SNX25: variants seen among roughly 807,000 people sequenced by gnomAD.
SNX25 encodes the protein sorting nexin-25.
SNX25 carries 62 observed loss-of-function variants against 113.7 expected under a neutral mutation model. That is an observed-to-expected ratio of 0.55 (90% CI 0.44 to 0.67). The LOEUF (loss-of-function observed/expected upper bound fraction) is 0.67. SNX25 is among the 30% of genes least tolerant of loss of function. The probability of loss-of-function intolerance (pLI) is 0.00; values close to 1 mark genes in which losing one functional copy is unlikely to be tolerated. For synonymous variants in SNX25, 421 were observed against 436.2 expected, an observed-to-expected ratio of 0.97 and a Z score of 0.43; for missense variants, 1,014 against 1,161.0, an observed-to-expected ratio of 0.87 and a Z score of 1.84.
At chr4:185,269,015 G>C (rs1351291530) in intron 5 of SNX25, among the ~76,000 whole-genome samples, 1 of 152,080 alleles carries the variant, frequency 6.6e-6, no homozygotes, top group Non-Finnish European at 1.5e-5. Flanking sequence ...TAGACTACAT[G>C]ATATTCTTTA....
In SNX25 at chr4:185,264,637, A is replaced by T. The variant is rs753371046; in HGVS notation, c.904+27A>T. Reference sequence around the variant, plus strand: ...TAGACTTATACAGTTGATTTCACTAATTCAATAAGTGTGCAAACTAATGTG... The same window carrying T: ...TAGACTTATACAGTTGATTTCACTATTTCAATAAGTGTGCAAACTAATGTG... On this transcript the variant is annotated intron_variant, in intron 4 of 18. Transcript: ENST00000652585. The T allele has an allele frequency of 9.9e-6, 16 of 1,608,858 alleles. No individual in the cohort carries two copies. In the South Asian group the frequency reaches 1.5e-4, roughly 15 times the overall value.
At chr4:185,290,103 G>A (rs1278790912) in intron 6 of SNX25, among the ~76,000 whole-genome samples, 1 of 152,096 alleles carries the variant, frequency 6.6e-6, no homozygotes, top group African/African-American at 2.4e-5. Context: ...TTACAAGGAT[G>A]CCAGTCATAC....
At chr4:185,270,641 A>G (rs1344879049) in intron 5 of SNX25, among the ~76,000 whole-genome samples, 3 of 152,098 alleles carry the variant, frequency 2.0e-5, no homozygotes, top group African/African-American at 7.2e-5. Flanking sequence ...TATTTTCATC[A>G]CCCCAAAAAG....
Position 185,245,199 on chromosome 4 carries a change from AC to A in SNX25, c.430-2091del, listed in dbSNP as rs1437515730. 2.6e-5 allele frequency among the ~76,000 whole-genome samples: 4 copies of A among 151,940 alleles called. No individual in the cohort carries two copies. The East Asian group carries it at 7.7e-4, about 29-fold the overall frequency. On this transcript the variant is annotated intron_variant, in intron 1 of 18. Coordinates refer to ENST00000652585, the MANE Select transcript of SNX25 (RefSeq NM_001378034.2). The stretch of plus-strand genomic sequence containing the variant: ...TTTTTCGTTCCAAACCAGTAAGTAG[AC>A]CCCAATTACATTGTATATGCTTTTG...
intron 6 of SNX25, among the ~76,000 whole-genome samples, chr4:185,292,432 CTT>C (rs1752309384): frequency 6.6e-6 from 1 of 152,120 alleles, no homozygotes; most frequent in Non-Finnish European, 1.5e-5. Context: ...GAGTTTCGCT[CTT>C]GTCACCCGGG....
the SNX25 span, chr4:185,376,828 A>G: frequency 2.1e-6 from 2 of 950,628 alleles, no homozygotes; most frequent in Middle Eastern, 2.9e-4. Context: ...TAACACAGTA[A>G]GAAACTCTAC....
intron 1 of SNX25, among the ~76,000 whole-genome samples, chr4:185,224,554 T>C: frequency 9.6e-6 from 1 of 104,106 alleles, no homozygotes; most frequent in East Asian, 3.5e-4. Context: ...TATACATATA[T>C]ATAAATATAT....
At chr4:185,374,480 CA>C, downstream of SNX25, 3 of 1,598,170 alleles carry the variant, frequency 1.9e-6, no homozygotes, top group Non-Finnish European at 1.7e-6. Flanking sequence ...AAAGAAAGAG[CA>C]AAAAAACCCT....
intron 15 of SNX25, among the ~76,000 whole-genome samples, chr4:185,356,504 G>A (rs574715997): frequency 1.3e-5 from 2 of 152,194 alleles, no homozygotes; most frequent in South Asian, 4.1e-4. Flanking sequence ...CCATCAAAAA[G>A]TTTAAGACAT....
At chr4:185,266,818 A>G (rs1748160430) in intron 4 of SNX25, 151 bp from the exon 5 acceptor site, 6 of 647,940 alleles carry the variant, frequency 9.3e-6, no homozygotes, top group Non-Finnish European at 1.5e-5. Context: ...ATGTGTGTAC[A>G]TTTTTGAATT....
rs1737474383 is a variant in SNX25, at chr4:185,209,963, C to T, written c.137C>T (p.Ala46Val). Residue 46 changes from alanine (A) to valine (V), a missense_variant, in exon 1 of 19, where the codon GCG becomes GTG. Coordinates refer to ENST00000652585, the MANE Select transcript of SNX25 (RefSeq NM_001378034.2). The surrounding 1 kb of genome is among the most constrained non-coding windows in gnomAD (Gnocchi z 5.2). ...ESPGDAEAAA[A>V]AAPGAPGGRS... ...CCGGGGGACGCGGAGGCAGCAGCAG[C>T]GGCGGCGCCGGGGGCCCCGGGCGGC... The T allele has an allele frequency of 2.0e-6, 2 of 983,524 alleles. No individual in the cohort carries two copies. The highest frequency in any genetic ancestry group is 1.2e-6 in the Non-Finnish European group (1 of 829,138). The allele number at this position is 983,524 out of a possible 1,614,324, so 60.9% of individuals were successfully genotyped here.
intron 1 of SNX25, among the ~76,000 whole-genome samples, chr4:185,213,266 T>C (rs546733155): frequency 1.3e-4 from 14 of 107,024 alleles, no homozygotes; most frequent in African/African-American, 4.6e-4. Flanking sequence ...CCAATTGAGC[T>C]TGTACCTGTT....
intron 5 of SNX25, among the ~76,000 whole-genome samples, chr4:185,284,845 T>C (rs1579617912): frequency 6.6e-6 from 1 of 152,068 alleles, no homozygotes; most frequent in Non-Finnish European, 1.5e-5. Context: ...TAGCTGAAGG[T>C]AGTGTAAGCA....
chr4:185,300,867 A>ACACACACACACG (rs1753576442), intron 6 of SNX25, among the ~76,000 whole-genome samples: 1 of 151,260 alleles, frequency 6.6e-6, no homozygotes, highest in Non-Finnish European at 1.5e-5. Flanking sequence ...ACACACACAC[A>ACACACACACACG]CACACACAGG....
chr4:185,282,195 A>G (rs912970456), intron 5 of SNX25, among the ~76,000 whole-genome samples: 13 of 151,692 alleles, frequency 8.6e-5, no homozygotes, highest in Non-Finnish European at 1.8e-4. Context: ...CAGCATGTGC[A>G]TGTCCGGACA....
In SNX25 at chr4:185,325,532, C is replaced by CAAA. The variant is rs34665853; in HGVS notation, c.1749+1749_1749+1751dup. 3.5e-4 allele frequency among the ~76,000 whole-genome samples: 39 copies of CAAA among 111,518 alleles called. 1 individual carries two copies. The highest frequency in any genetic ancestry group is 9.9e-4 in the Admixed American group (10 of 10,092). 73.2% of individuals were successfully genotyped at this position (111,518 alleles called of 152,430 possible). Reference sequence around the variant, plus strand: ...TGGGCGACAATGTGAGACTCCGTCTCAAAAAAAAAAAAAAAAAAAGACAAA... The same window carrying CAAA: ...TGGGCGACAATGTGAGACTCCGTCTCAAAAAAAAAAAAAAAAAAAAAAGACAAA... On this transcript the variant is annotated intron_variant, in intron 9 of 18. Coordinates refer to ENST00000652585, the MANE Select transcript of SNX25 (RefSeq NM_001378034.2).
At chr4:185,285,728 C>A (rs1287703126) in intron 5 of SNX25, among the ~76,000 whole-genome samples, 1 of 152,060 alleles carries the variant, frequency 6.6e-6, no homozygotes, top group Non-Finnish European at 1.5e-5. Context: ...TAATTGGAAC[C>A]CTGAACTCCT....
chr4:185,204,698 A>T (rs751569655), upstream of SNX25, among the ~76,000 whole-genome samples: 5 of 152,204 alleles, frequency 3.3e-5, no homozygotes, highest in Non-Finnish European at 7.3e-5. Flanking sequence ...AACCCCATGG[A>T]ATCACAAAGG....
At chr4:185,367,300 C>A, downstream of SNX25, 34 of 1,336,374 alleles carry the variant, frequency 2.5e-5, no homozygotes, top group South Asian at 4.0e-5. Flanking sequence ...TTGGGTCTTT[C>A]TTCTTTTTTT....
Sources: gnomAD v4.1 joint callset for allele counts (sites outside exome capture counted in the v4.1 genomes callset) on GRCh38, gnomAD v4.1.1 for gene constraint, Gnocchi (gnomAD v3.1) non-coding constraint, MANE v1.5 for transcripts, NCBI Gene and HGNC (gene_info 2026-07-23, HGNC 2026-07-21) for gene names.